ZDHHC14: variants seen among roughly 807,000 people sequenced by gnomAD.
ZDHHC14 encodes the protein zDHHC palmitoyltransferase 14, also known as palmitoyltransferase ZDHHC14.
In ZDHHC14, 16 loss-of-function variants were observed where a neutral mutation model predicts 47.7. The observed-to-expected ratio is 0.34, with a 90% confidence interval of 0.23 to 0.51. The LOEUF is 0.51. ZDHHC14 is among the 20% of genes least tolerant of loss of function. ZDHHC14 has a pLI of 0.97. For missense variants in ZDHHC14, 515 were observed against 662.5 expected (o/e 0.78, Z 2.44); for synonymous variants, 293 against 278.9 (o/e 1.05, Z -0.50).
In ZDHHC14 at chr6:157,677,888, T is replaced by C. The variant is rs774346660; in HGVS notation, c.*4766T>C. The C allele has an allele frequency of 1.3e-5, 2 of 151,410 alleles. No homozygotes were observed. Among genetic ancestry groups the C allele is most frequent in the Non-Finnish European group, 3.0e-5 (2 of 67,678 alleles). 9.4% of individuals were successfully genotyped at this position (151,410 alleles called of 1,614,324 possible). A position where few individuals can be genotyped will look rare whatever the true frequency, so the allele number is the denominator to read the frequency against. On this transcript the variant is annotated 3_prime_UTR_variant, in exon 9 of 9. Transcript: ENST00000359775. The stretch of plus-strand genomic sequence containing the variant: ...AAAAACGGTTGAAGCCTTGCTAACT[T>C]TTTCCCAGAGCATTCTGGGTTGATA...
In ZDHHC14 at chr6:157,677,670, C is replaced by T. The variant is rs1778991121; in HGVS notation, c.*4548C>T. ...TTGTGCTATTGCAGAGACTTTTCTACCCAGGAAGTGTTGAATTTTTAAAAG... is the reference window on the plus strand; with the variant it reads ...TTGTGCTATTGCAGAGACTTTTCTATCCAGGAAGTGTTGAATTTTTAAAAG... On this transcript the variant is annotated 3_prime_UTR_variant, in exon 9 of 9. Coordinates refer to ENST00000359775, the MANE Select transcript of ZDHHC14 (RefSeq NM_024630.3). The T allele has an allele frequency of 6.6e-6, 1 of 152,012 alleles. No homozygotes were observed. Among genetic ancestry groups the T allele is most frequent in the Non-Finnish European group, 1.5e-5 (1 of 68,024 alleles). The allele number at this position is 152,012 out of a possible 1,614,324, so 9.4% of individuals were successfully genotyped here.
intron 2 of ZDHHC14, among the ~76,000 whole-genome samples, chr6:157,563,305 G>A (rs1352776886): frequency 6.6e-6 from 1 of 152,232 alleles, no homozygotes. Flanking sequence ...GCCTGCCTGG[G>A]CGTTAAGCGT....
chr6:157,457,880 T>C (rs970148622), intron 1 of ZDHHC14, among the ~76,000 whole-genome samples: 1 of 152,242 alleles, frequency 6.6e-6, no homozygotes, highest in Non-Finnish European at 1.5e-5. Flanking sequence ...GCTGAGGTTT[T>C]ACAGCTGGGG....
In ZDHHC14 at chr6:157,635,586, C is replaced by T. The variant is rs144618795; in HGVS notation, c.752+2704C>T. Among the ~76,000 whole-genome samples the T allele has an allele frequency of 7.9e-3, 1,203 of 152,318 alleles. 16 individuals are homozygous for T. Among genetic ancestry groups the T allele is most frequent in the African/African-American group, 0.028 (1,168 of 41,558 alleles). ...AAGACTCAGCTCCAAAGCACGGCTT[C>T]CAGGTGTGGCCAGAGGGATTTCAAA... On this transcript the variant is annotated intron_variant, in intron 5 of 8. Coordinates refer to ENST00000359775, the MANE Select transcript of ZDHHC14 (RefSeq NM_024630.3).
rs1040911126 is a variant in ZDHHC14 at position 157,463,702 on chromosome 6, C to A, written c.246-78883C>A. The stretch of plus-strand genomic sequence containing the variant: ...GTGCTGGCACTTCGTCCCAATGTCT[C>A]CCCGCTTTACCTTTCATTAGTCAGA... On this transcript the variant is annotated intron_variant, in intron 1 of 8. Transcript: ENST00000359775. This position sits in a 1 kb window ranked among gnomAD's most constrained non-coding sequence, Gnocchi z 4.4. Among the ~76,000 whole-genome samples, 4 of 152,192 alleles carry A rather than the reference C, an allele frequency of 2.6e-5. No individual in the cohort carries two copies. Among genetic ancestry groups the A allele is most frequent in the Non-Finnish European group, 5.9e-5 (4 of 68,042 alleles).
chr6:157,594,266 T>C (rs967175812), intron 3 of ZDHHC14, among the ~76,000 whole-genome samples: 2 of 152,246 alleles, frequency 1.3e-5, no homozygotes, highest in Admixed American at 6.5e-5. Context: ...AGCTCATGTT[T>C]TCTCTATCAG....
Position 157,616,828 on chromosome 6 carries a change from CT to C in ZDHHC14, c.566-11519del, listed in dbSNP as rs1784983790. On this transcript the variant is annotated intron_variant, in intron 3 of 8. Coordinates refer to ENST00000359775, the MANE Select transcript of ZDHHC14 (RefSeq NM_024630.3). ...TTCTGCACACCTGAGAGTCACTTTG[CT>C]TCTGTTCCATGTTAGGCAAATCGGG... Among the ~76,000 whole-genome samples, 2 of 152,182 alleles carry C rather than the reference CT, an allele frequency of 1.3e-5. 1 individual carries two copies. Among genetic ancestry groups the C allele is most frequent in the South Asian group, 4.1e-4 (2 of 4,824 alleles).
chr6:157,542,742 A>T lies in ZDHHC14; in HGVS notation c.403A>T (p.Ile135Leu), dbSNP rs1271553387. 4 of 1,613,790 alleles carry T rather than the reference A, an allele frequency of 2.5e-6. No homozygotes were observed. Among genetic ancestry groups the T allele is most frequent in the Non-Finnish European group, 1.7e-6 (2 of 1,179,902 alleles). ...TGAAGCCGCCGATCTGGAAAGGCAA[A>T]TAGGTAACACTGAAAGTCTGCCCAT... Reference protein sequence around the residue: ...PDEAADLERQIDIANGTSSGG... With the variant: ...PDEAADLERQLDIANGTSSGG... The change falls in exon 2 of 9, where the codon ATA becomes TTA. Residue 135 changes from isoleucine (I) to leucine (L), a missense_variant. Physicochemically the swap from Ile to Leu is conservative, Grantham distance 5 (BLOSUM62 2). This residue lies in a region of ZDHHC14 where 229 missense variants were observed against 351.5 expected (regional missense o/e 0.65). Transcript: ENST00000359775.
At chr6:157,455,410 GGGGGTTCCTGTT>G (rs1778890316) in intron 1 of ZDHHC14, among the ~76,000 whole-genome samples, 1 of 152,240 alleles carries the variant, frequency 6.6e-6, no homozygotes, top group Non-Finnish European at 1.5e-5. Flanking sequence ...ACGCTGGCAT[GGGGGTTCCTGTT>G]GAGTGCCTTT....
intron 2 of ZDHHC14, among the ~76,000 whole-genome samples, chr6:157,557,424 AT>A (rs1782520986): frequency 6.6e-6 from 1 of 152,038 alleles, no homozygotes. Flanking sequence ...CCATGTTAGG[AT>A]TTTAGTCTCC....
chr6:157,435,802 A>C (rs1213380499), intron 1 of ZDHHC14, among the ~76,000 whole-genome samples: 2 of 152,170 alleles, frequency 1.3e-5, no homozygotes, highest in East Asian at 3.9e-4. Context: ...GGCCTCCCAA[A>C]GTGCTGGGAT....
chr6:157,526,641 T>G (rs994279066), intron 1 of ZDHHC14, among the ~76,000 whole-genome samples: 13 of 152,238 alleles, frequency 8.5e-5, no homozygotes, highest in Non-Finnish European at 8.8e-5. Context: ...TTTGGGAGTC[T>G]TGCCCACCCT....
At position 157,551,531 on chromosome 6, in the gene ZDHHC14, C is replaced by T. The variant is rs147660219; in HGVS notation, c.406+8786C>T. Among the ~76,000 whole-genome samples, 173 of 152,328 alleles carry T rather than the reference C, an allele frequency of 1.1e-3. 1 individual carries two copies. The highest frequency in any genetic ancestry group is 0.01 in the Middle Eastern group (3 of 294). On this transcript the variant is annotated intron_variant, in intron 2 of 8. Coordinates refer to ENST00000359775, the MANE Select transcript of ZDHHC14 (RefSeq NM_024630.3). ...GCCCATGGAAGAGTAATGTCAGCATCGCCTGGGAGTTATTAGAAATGCAGA... is the reference window on the plus strand; with the variant it reads ...GCCCATGGAAGAGTAATGTCAGCATTGCCTGGGAGTTATTAGAAATGCAGA...
At chr6:157,515,457 C>CTTTTTTTTT (rs1187323622) in intron 1 of ZDHHC14, among the ~76,000 whole-genome samples, 4 of 129,448 alleles carry the variant, frequency 3.1e-5, no homozygotes, top group Non-Finnish European at 3.3e-5. Flanking sequence ...TTTTCTTTTT[C>CTTTTTTTTT]TTTTTTTTTT....
chr6:157,510,168 C>A (rs527438564), intron 1 of ZDHHC14, among the ~76,000 whole-genome samples: 1 of 152,140 alleles, frequency 6.6e-6, no homozygotes, highest in Non-Finnish European at 1.5e-5. Context: ...CACTTGAACC[C>A]GGAGGCTGGA....
intron 1 of ZDHHC14, among the ~76,000 whole-genome samples, chr6:157,530,799 C>T (rs1022471658): frequency 3.9e-5 from 6 of 152,118 alleles, no homozygotes; most frequent in African/African-American, 1.2e-4. Context: ...GCTTAGCCTT[C>T]TGCACTCACA....
chr6:157,530,317 G>A (rs892198062), intron 1 of ZDHHC14, among the ~76,000 whole-genome samples: 7 of 152,196 alleles, frequency 4.6e-5, no homozygotes, highest in African/African-American at 9.7e-5. Context: ...CATCAGGGCC[G>A]AGAAATGCTG....
At position 157,600,114 on chromosome 6, in the gene ZDHHC14, G is replaced by A. The variant is rs1009088642; in HGVS notation, c.565+6968G>A. 8.5e-5 allele frequency among the ~76,000 whole-genome samples: 13 copies of A among 152,230 alleles called. No homozygotes were observed. In the East Asian group the frequency reaches 1.2e-3, roughly 14 times the overall value. ...GTTCTGAGTAGTGTCTGAGAGCTTC[G>A]GAAAGGTTGAATGGTTTTTCAGTTC... On this transcript the variant is annotated intron_variant, in intron 3 of 8. Coordinates refer to ENST00000359775, the MANE Select transcript of ZDHHC14 (RefSeq NM_024630.3).
chr6:157,441,767 G>A (rs895621388), intron 1 of ZDHHC14, among the ~76,000 whole-genome samples: 1 of 152,164 alleles, frequency 6.6e-6, no homozygotes, highest in African/African-American at 2.4e-5. Flanking sequence ...GAACCCTAGA[G>A]GAAGAGGTTG....
Sources: allele counts gnomAD v4.1 joint callset (sites outside exome capture counted in the v4.1 genomes callset), GRCh38; gene constraint gnomAD v4.1.1; regional missense constraint gnomAD v4.1.1; non-coding constraint Gnocchi (gnomAD v3.1); transcripts MANE v1.5; gene names NCBI Gene and HGNC (gene_info 2026-07-23, HGNC 2026-07-21).